The following GSG1L variants were observed in gnomAD, a reference collection of about 807,000 sequenced individuals.
GSG1L encodes the protein germ cell-specific gene 1-like protein.
GSG1L carries 24 observed loss-of-function variants against 42.1 expected under a neutral mutation model. The ratio of observed to expected loss-of-function variants is 0.57; its 90% CI spans 0.41 to 0.80. The LOEUF is 0.80. Among genes scored for constraint, GSG1L ranks in the 30% least tolerant of loss-of-function variants. The pLI, the probability that GSG1L is intolerant of heterozygous loss-of-function variation, is 0.00. For missense variants in GSG1L, 445 were observed against 472.2 expected (o/e 0.94, Z 0.53); for synonymous variants, 215 against 203.5 (o/e 1.06, Z -0.48).
chr16:27,854,228 T>G (rs1200009199), intron 3 of GSG1L, among the ~76,000 whole-genome samples: 6 of 63,512 alleles, frequency 9.4e-5, no homozygotes, highest in South Asian at 5.4e-4. Context: ...TGGGAAAGGC[T>G]GGGGAATGGG....
At chr16:28,025,278 T>A (rs1316115607) in intron 1 of GSG1L, among the ~76,000 whole-genome samples, 2 of 152,098 alleles carry the variant, frequency 1.3e-5, no homozygotes, top group Non-Finnish European at 2.9e-5. Context: ...AGGGAGCCAC[T>A]GGGCCTGGCC....
intron 6 of GSG1L, 97 bp downstream of exon 6, chr16:27,807,390 G>C (rs916778201): frequency 2.2e-5 from 20 of 923,360 alleles, no homozygotes; most frequent in Non-Finnish European, 3.2e-5. Flanking sequence ...AGGGTGCAGT[G>C]GGGGGTGGGG....
intron 2 of GSG1L, among the ~76,000 whole-genome samples, chr16:27,892,762 C>T (rs1276494614): frequency 7.2e-6 from 1 of 139,820 alleles, no homozygotes; most frequent in Non-Finnish European, 1.5e-5. Context: ...TGCACTCCAG[C>T]CTGAGTGACA....
intron 2 of GSG1L, among the ~76,000 whole-genome samples, chr16:27,892,941 T>A (rs2084146102): frequency 6.6e-6 from 1 of 152,098 alleles, no homozygotes; most frequent in Admixed American, 6.5e-5. Context: ...TGATGAACAC[T>A]CACTTTTCTT....
In GSG1L at chr16:27,790,056, A is replaced by G. The variant is rs887005998; in HGVS notation, c.*1314T>C. The G allele has an allele frequency of 6.6e-6, 1 of 151,090 alleles. No homozygotes were observed. Among genetic ancestry groups the G allele is most frequent in the Non-Finnish European group, 1.5e-5 (1 of 67,756 alleles). 9.4% of individuals were successfully genotyped at this position (151,090 alleles called of 1,614,324 possible). On this transcript the variant is annotated 3_prime_UTR_variant, in exon 7 of 7. Transcript: ENST00000447459. The stretch of plus-strand genomic sequence containing the variant: ...TGATGAATGAGTGGATGGATGGCAA[A>G]TGGATGGATGAATGGATAGATGATG...
At chr16:27,955,960 AGGAG>A (rs1250036487) in intron 2 of GSG1L, among the ~76,000 whole-genome samples, 2 of 137,646 alleles carry the variant, frequency 1.5e-5, no homozygotes, top group African/African-American at 2.6e-5. Context: ...AAGGAAGGAC[AGGAG>A]GGAGGGAGGG....
chr16:27,884,935 G>A lies in GSG1L; in HGVS notation c.398-297C>T, dbSNP rs375126249. ...TCATGGATTAGATGATCACCACTGA[G>A]AGCCAGCTTGCCGCCACCAGTTTAG... On this transcript the variant is annotated intron_variant, in intron 2 of 6. Transcript: ENST00000447459. This position sits in a 1 kb window ranked among gnomAD's most constrained non-coding sequence, Gnocchi z 4.4. 6.6e-5 allele frequency among the ~76,000 whole-genome samples: 10 copies of A among 152,268 alleles called. 1 individual carries two copies. The East Asian group carries it at 1.5e-3, about 24-fold the overall frequency.
At chr16:27,797,650 A>T (rs2082834020) in intron 6 of GSG1L, among the ~76,000 whole-genome samples, 1 of 150,884 alleles carries the variant, frequency 6.6e-6, no homozygotes, top group Non-Finnish European at 1.5e-5. Flanking sequence ...CTGAAACCCC[A>T]TCTCTCCTAA....
At position 27,889,837 on chromosome 16, in the gene GSG1L, G is replaced by A. The variant is rs145181768; in HGVS notation, c.398-5199C>T. On this transcript the variant is annotated intron_variant, in intron 2 of 6. Coordinates refer to ENST00000447459, the MANE Select transcript of GSG1L (RefSeq NM_001109763.2). ...CACCCAAATCCTCATCCTATGCTGC[G>A]CCTCTAGATAATCTGATCTTAGACA... 7.9e-5 allele frequency among the ~76,000 whole-genome samples: 12 copies of A among 152,198 alleles called. 1 individual carries two copies. The highest frequency in any genetic ancestry group is 5.8e-4 in the East Asian group (3 of 5,170).
chr16:27,981,176 C>T (rs978831867), intron 1 of GSG1L, among the ~76,000 whole-genome samples: 4 of 152,178 alleles, frequency 2.6e-5, no homozygotes, highest in Admixed American at 6.5e-5. Flanking sequence ...ACGTGCCCAG[C>T]GAAGTGGACT....
At chr16:27,824,641 T>TATGCAGAG (rs2083188896) in intron 5 of GSG1L, among the ~76,000 whole-genome samples, 2 of 152,256 alleles carry the variant, frequency 1.3e-5, no homozygotes, top group Admixed American at 1.3e-4. Context: ...GATGAACCTC[T>TATGCAGAG]GCATAATGTT....
intron 2 of GSG1L, among the ~76,000 whole-genome samples, chr16:27,906,171 A>G (rs2084319675): frequency 6.6e-6 from 1 of 152,200 alleles, no homozygotes; most frequent in South Asian, 2.1e-4. Context: ...TAGCTCACAA[A>G]GGAAGAAACC....
intron 1 of GSG1L, among the ~76,000 whole-genome samples, chr16:27,993,896 A>G (rs532496235): frequency 6.6e-6 from 1 of 152,246 alleles, no homozygotes; most frequent in African/African-American, 2.4e-5. Flanking sequence ...AAGGGCTCAC[A>G]TGTGCACTAA....
chr16:28,050,321 C>T (rs911498698), intron 1 of GSG1L, among the ~76,000 whole-genome samples: 1 of 152,178 alleles, frequency 6.6e-6, no homozygotes, highest in African/African-American at 2.4e-5. Flanking sequence ...GCTAGGACTA[C>T]AGGTGCACAC....
At position 27,899,597 on chromosome 16, in the gene GSG1L, G is replaced by A. The variant is rs142014929; in HGVS notation, c.398-14959C>T. On this transcript the variant is annotated intron_variant, in intron 2 of 6. Transcript: ENST00000447459. ...CCAAGTGTGGTGGCGTGCACCTGTG[G>A]TGGTAGCCACTCAGGAGGCTGAAGC... Among the ~76,000 whole-genome samples the A allele has an allele frequency of 5.1e-3, 773 of 152,278 alleles. 9 individuals carry two copies. Among genetic ancestry groups the A allele is most frequent in the African/African-American group, 0.018 (734 of 41,558 alleles).
At chr16:27,967,397 C>G (rs9941164) in intron 1 of GSG1L, among the ~76,000 whole-genome samples, 1 of 152,026 alleles carries the variant, frequency 6.6e-6, no homozygotes, top group Non-Finnish European at 1.5e-5. Context: ...AAGAATCACA[C>G]GGCCACAGAT....
chr16:27,944,396 A>G (rs1567528774), intron 2 of GSG1L, among the ~76,000 whole-genome samples: 1 of 151,918 alleles, frequency 6.6e-6, no homozygotes, highest in Non-Finnish European at 1.5e-5. Context: ...CCGAGGCGGG[A>G]AGATCACCTG....
intron 2 of GSG1L, among the ~76,000 whole-genome samples, chr16:27,924,378 T>G (rs1277466446): frequency 6.6e-6 from 1 of 151,998 alleles, no homozygotes; most frequent in Non-Finnish European, 1.5e-5. Flanking sequence ...AATGAACAAA[T>G]GTACTACCCT....
intron 1 of GSG1L, among the ~76,000 whole-genome samples, chr16:27,972,259 C>A (rs1174708456): frequency 6.6e-6 from 1 of 152,254 alleles, no homozygotes; most frequent in Non-Finnish European, 1.5e-5. Context: ...TTAGCCCACA[C>A]TGCCCAGGCA....
Sources: gnomAD v4.1 joint callset for allele counts (sites outside exome capture counted in the v4.1 genomes callset) on GRCh38, gnomAD v4.1.1 for gene constraint, Gnocchi (gnomAD v3.1) non-coding constraint, MANE v1.5 for transcripts, NCBI Gene and HGNC (gene_info 2026-07-23, HGNC 2026-07-21) for gene names.